Variants in ITSN1 observed in about 807,000 individuals in gnomAD.
ITSN1 encodes the protein intersectin-1.
A neutral mutation model predicts 239.8 loss-of-function variants in ITSN1; 58 were observed. The observed-to-expected ratio is 0.24, with a 90% confidence interval of 0.20 to 0.30. The LOEUF (loss-of-function observed/expected upper bound fraction) is 0.30, where lower values mean the gene tolerates loss of function less well. Among genes scored for constraint, ITSN1 ranks in the 10% least tolerant of loss-of-function variants. The pLI, the probability that ITSN1 is intolerant of heterozygous loss-of-function variation, is 1.00. For synonymous variants in ITSN1, 780 were observed against 770.8 expected, an observed-to-expected ratio of 1.01 and a Z score of -0.20; for missense variants, 1,558 against 2,103.3, an observed-to-expected ratio of 0.74 and a Z score of 5.07.
intron 10 of ITSN1, among the ~76,000 whole-genome samples, chr21:33,766,612 G>A (rs995722215): frequency 2.6e-5 from 4 of 152,198 alleles, no homozygotes; most frequent in Non-Finnish European, 5.9e-5. Flanking sequence ...AAAGGAGAAT[G>A]AAAGAAAGAT....
At chr21:33,860,090 T>G (rs1275985347) in intron 31 of ITSN1, among the ~76,000 whole-genome samples, 1 of 152,142 alleles carries the variant, frequency 6.6e-6, no homozygotes, top group Non-Finnish European at 1.5e-5. Context: ...GTGGATCACT[T>G]GAGGTCAGGA....
In ITSN1 at chr21:33,829,556, G is replaced by GC. The variant is rs1186343998; in HGVS notation, c.3230-67dup. The GC allele has an allele frequency of 3.8e-6, 6 of 1,564,090 alleles. No individual in the cohort carries two copies. In the African/African-American group the frequency reaches 6.8e-5, roughly 18 times the overall value. Reference sequence around the variant, plus strand: ...TCATCTGTGAACCTGGGAGGCGCCTGCATCTTCTTGGCCTTTTCTCCTGCT... The same window carrying GC: ...TCATCTGTGAACCTGGGAGGCGCCTGCCATCTTCTTGGCCTTTTCTCCTGCT... On this transcript the variant is annotated intron_variant, in intron 26 of 39. Coordinates refer to ENST00000381318, the MANE Select transcript of ITSN1 (RefSeq NM_003024.3).
intron 1 of ITSN1, among the ~76,000 whole-genome samples, chr21:33,693,045 C>A (rs149641010): frequency 6.6e-6 from 1 of 152,154 alleles, no homozygotes; most frequent in African/African-American, 2.4e-5. Context: ...GATCCGCCCA[C>A]CTCGCCTCCC....
intron 16 of ITSN1, among the ~76,000 whole-genome samples, chr21:33,789,074 C>T (rs2147965668): frequency 6.6e-6 from 1 of 152,312 alleles, no homozygotes; most frequent in South Asian, 2.1e-4. Flanking sequence ...CATACAGGCA[C>T]AAGTTCTCAC....
At chr21:33,755,674 C>T (rs764298460) in intron 8 of ITSN1, among the ~76,000 whole-genome samples, 19 of 152,190 alleles carry the variant, frequency 1.2e-4, no homozygotes, top group Admixed American at 1.2e-3. Context: ...AGCAAAGAAA[C>T]ACTTCTTTGA....
chr21:33,657,001 G>A (rs570736784), intron 1 of ITSN1, among the ~76,000 whole-genome samples: 40 of 152,284 alleles, frequency 2.6e-4, no homozygotes, highest in Admixed American at 2.3e-3. Context: ...GATTACAGGC[G>A]TGAGCCACCA....
chr21:33,689,379 A>C (rs751321613), intron 1 of ITSN1: 1 of 152,208 alleles, frequency 6.6e-6, no homozygotes, highest in African/African-American at 2.4e-5. Flanking sequence ...GGAGCATTCT[A>C]AAAGGTAAAT....
intron 1 of ITSN1, among the ~76,000 whole-genome samples, chr21:33,677,599 C>G (rs2090672774): frequency 6.6e-6 from 1 of 152,100 alleles, no homozygotes; most frequent in South Asian, 2.1e-4. Flanking sequence ...CTAGGCCTCC[C>G]AAAGTGCTGG....
intron 8 of ITSN1, chr21:33,756,848 TCTCCAC>T: frequency 6.6e-6 from 1 of 152,186 alleles, no homozygotes; most frequent in East Asian, 1.9e-4. Flanking sequence ...CTCACTGCAA[TCTCCAC>T]CTCCTGGGTT....
At chr21:33,666,806 TTA>T (rs1354261965) in intron 1 of ITSN1, among the ~76,000 whole-genome samples, 1 of 152,198 alleles carries the variant, frequency 6.6e-6, no homozygotes, top group Non-Finnish European at 1.5e-5. Context: ...AAATTTTTAT[TTA>T]TTTATTTATT....
At chr21:33,821,470 T>C (rs1466791859) in intron 24 of ITSN1, among the ~76,000 whole-genome samples, 3 of 152,186 alleles carry the variant, frequency 2.0e-5, no homozygotes, top group African/African-American at 7.2e-5. Flanking sequence ...ATAAAATAGA[T>C]GATTGGCTTG....
At chr21:33,716,176 T>A (rs2065128372) in intron 1 of ITSN1, among the ~76,000 whole-genome samples, 1 of 152,094 alleles carries the variant, frequency 6.6e-6, no homozygotes, top group African/African-American at 2.4e-5. Context: ...TCCAAAAGGC[T>A]GAAGTCAGTT....
chr21:33,883,405 A>G (rs1319059780), intron 35 of ITSN1, 145 bp from the exon 36 acceptor site: 1 of 1,081,190 alleles, frequency 9.2e-7, no homozygotes, highest in Non-Finnish European at 1.3e-6. Context: ...GGTTACTGAA[A>G]CACACGCACG....
intron 26 of ITSN1, 150 bp from the exon 27 acceptor site, chr21:33,829,474 T>G: frequency 1.3e-6 from 1 of 789,282 alleles, no homozygotes; most frequent in Non-Finnish European, 2.0e-6. Flanking sequence ...AACGGGCGAT[T>G]CAGGGAGCCT....
At chr21:33,874,273 C>T (rs1181383530) in intron 33 of ITSN1, among the ~76,000 whole-genome samples, 1 of 151,922 alleles carries the variant, frequency 6.6e-6, no homozygotes, top group Admixed American at 6.6e-5. Flanking sequence ...CATTCTTAGC[C>T]ACCACCCCAA....
At chr21:33,881,756 C>A (rs999950238) in intron 34 of ITSN1, among the ~76,000 whole-genome samples, 2 of 151,950 alleles carry the variant, frequency 1.3e-5, no homozygotes, top group African/African-American at 4.8e-5. Context: ...TGAGGTGGAA[C>A]GATCGCTTGA....
At chr21:33,868,537 ACCCTCCGCAGCC>A (rs1176812700) in intron 33 of ITSN1, among the ~76,000 whole-genome samples, 1 of 151,918 alleles carries the variant, frequency 6.6e-6, no homozygotes, top group Non-Finnish European at 1.5e-5. Context: ...GACCCAGTAC[ACCCTCCGCAGCC>A]GCTGGCCCGG....
At chr21:33,802,319 G>C (rs537694129) in intron 19 of ITSN1, 111 bp from the exon 20 acceptor site, 2 of 1,084,214 alleles carry the variant, frequency 1.8e-6, no homozygotes, top group Admixed American at 3.9e-5. Context: ...GAATTGGCTA[G>C]TTAACCACCA....
In ITSN1 at chr21:33,768,046, G is replaced by T. The variant is rs529968953; in HGVS notation, c.1042+218G>T. Among the ~76,000 whole-genome samples, 19 of 152,282 alleles carry T rather than the reference G, an allele frequency of 1.2e-4. No homozygotes were observed. The South Asian group carries it at 3.9e-3, about 32-fold the overall frequency. ...TTATGCACTCTGCTAATGCACCGTTGTTCTAACTTGTAACTTGAAATCTGA... is the reference window on the plus strand; with the variant it reads ...TTATGCACTCTGCTAATGCACCGTTTTTCTAACTTGTAACTTGAAATCTGA... On this transcript the variant is annotated intron_variant, in intron 11 of 39. Coordinates refer to ENST00000381318, the MANE Select transcript of ITSN1 (RefSeq NM_003024.3).
Sources: allele counts gnomAD v4.1 joint callset (sites outside exome capture counted in the v4.1 genomes callset), GRCh38; gene constraint gnomAD v4.1.1; transcripts MANE v1.5; gene names NCBI Gene and HGNC (gene_info 2026-07-23, HGNC 2026-07-21).